The following NTM variants were observed in gnomAD, a reference collection of about 807,000 sequenced individuals.
NTM encodes the protein IgLON family member 2.
A neutral mutation model predicts 42.1 loss-of-function variants in NTM; 13 were observed. That is an observed-to-expected ratio of 0.31 (90% CI 0.20 to 0.49). NTM has a LOEUF of 0.49. Among genes scored for constraint, NTM ranks in the 20% least tolerant of loss-of-function variants. NTM has a pLI of 0.99. For synonymous variants in NTM, 187 were observed against 179.2 expected, an observed-to-expected ratio of 1.04 and a Z score of -0.35; for missense variants, 373 against 452.8, an observed-to-expected ratio of 0.82 and a Z score of 1.60.
chr11:131,427,455 C>T (rs918104111), intron 1 of NTM, among the ~76,000 whole-genome samples: 2 of 151,988 alleles, frequency 1.3e-5, no homozygotes, highest in South Asian at 2.1e-4. Flanking sequence ...CTTAATAAGA[C>T]CCCTTGATCT....
chr11:132,066,566 G>T (rs1308670296), intron 2 of NTM, among the ~76,000 whole-genome samples: 1 of 152,080 alleles, frequency 6.6e-6, no homozygotes, highest in Non-Finnish European at 1.5e-5. Flanking sequence ...AACTTCACTG[G>T]CCCCACATCA....
At chr11:131,790,843 T>A (rs1295893081) in intron 1 of NTM, among the ~76,000 whole-genome samples, 1 of 152,124 alleles carries the variant, frequency 6.6e-6, no homozygotes, top group Non-Finnish European at 1.5e-5. Context: ...CAGATTAAAG[T>A]TGCAAGTAAG....
At chr11:131,915,557 G>A (rs1485794165) in intron 2 of NTM, among the ~76,000 whole-genome samples, 3 of 152,052 alleles carry the variant, frequency 2.0e-5, no homozygotes, top group South Asian at 2.1e-4. Context: ...TTTCAACTAC[G>A]GTCAATCAGA....
intron 1 of NTM, among the ~76,000 whole-genome samples, chr11:131,445,499 G>A (rs1949988087): frequency 6.6e-6 from 1 of 152,216 alleles, no homozygotes; most frequent in Non-Finnish European, 1.5e-5. Flanking sequence ...GACCTGTTTA[G>A]CATACCAGAG....
At chr11:132,061,118 G>T (rs769250098) in intron 2 of NTM, among the ~76,000 whole-genome samples, 3 of 152,082 alleles carry the variant, frequency 2.0e-5, no homozygotes, top group African/African-American at 4.8e-5. Flanking sequence ...ACCCATTCTA[G>T]TTGCAATTTT....
At chr11:132,057,084 T>A (rs2079811842) in intron 2 of NTM, among the ~76,000 whole-genome samples, 1 of 152,170 alleles carries the variant, frequency 6.6e-6, no homozygotes, top group Admixed American at 6.5e-5. Flanking sequence ...CTTAACACAA[T>A]TGAGGCAAAG....
At chr11:132,155,959 C>T (rs1228951381) in intron 3 of NTM, among the ~76,000 whole-genome samples, 4 of 152,152 alleles carry the variant, frequency 2.6e-5, no homozygotes, top group Non-Finnish European at 4.4e-5. Context: ...GCGATGGCTG[C>T]AAGCTTGGGA....
intron 1 of NTM, among the ~76,000 whole-genome samples, chr11:131,753,519 T>C (rs1296465176): frequency 6.6e-6 from 1 of 151,710 alleles, no homozygotes; most frequent in Non-Finnish European, 1.5e-5. Flanking sequence ...TAGACTGGAT[T>C]AAGAAAATGT....
chr11:132,051,269 C>A (rs1004498548), intron 2 of NTM, among the ~76,000 whole-genome samples: 1 of 152,070 alleles, frequency 6.6e-6, no homozygotes, highest in Non-Finnish European at 1.5e-5. Context: ...TCATTTAATC[C>A]TTAGAGTAAC....
At chr11:132,016,639 C>T (rs2846136) in intron 2 of NTM, among the ~76,000 whole-genome samples, 1 of 151,874 alleles carries the variant, frequency 6.6e-6, no homozygotes, top group Non-Finnish European at 1.5e-5. Flanking sequence ...CGTATGTTTT[C>T]ATTTACATTG....
At chr11:131,752,802 C>T (rs900813620) in intron 1 of NTM, among the ~76,000 whole-genome samples, 46 of 149,216 alleles carry the variant, frequency 3.1e-4, no homozygotes, top group Admixed American at 7.4e-4. Context: ...AAGAAAACCG[C>T]GCATTACCAT....
At chr11:131,990,899 G>C (rs2066900908) in intron 2 of NTM, among the ~76,000 whole-genome samples, 1 of 152,176 alleles carries the variant, frequency 6.6e-6, no homozygotes, top group South Asian at 2.1e-4. Context: ...CTCTTAGTCT[G>C]TTTTTATAGT....
intron 3 of NTM, among the ~76,000 whole-genome samples, chr11:132,201,518 C>A (rs1395520774): frequency 6.6e-6 from 1 of 152,166 alleles, no homozygotes; most frequent in Admixed American, 6.5e-5. Flanking sequence ...CGGTTGGGAA[C>A]TACAGGAATA....
chr11:131,462,526 G>A (rs1000893691), intron 1 of NTM, among the ~76,000 whole-genome samples: 4 of 152,252 alleles, frequency 2.6e-5, no homozygotes, highest in African/African-American at 4.8e-5. Context: ...TGAAGTTAGT[G>A]AATTCGGTTC....
chr11:132,203,687 C>T (rs1193041522), intron 3 of NTM, among the ~76,000 whole-genome samples: 2 of 152,006 alleles, frequency 1.3e-5, no homozygotes, highest in Non-Finnish European at 2.9e-5. Flanking sequence ...GTCAGGAGAT[C>T]GAGACCATCC....
At chr11:131,617,245 G>A (rs1367494735) in intron 1 of NTM, among the ~76,000 whole-genome samples, 1 of 152,124 alleles carries the variant, frequency 6.6e-6, no homozygotes, top group East Asian at 1.9e-4. Context: ...CAAGAATCTA[G>A]GGTGACGTGG....
rs577406364 is a variant in NTM, at chr11:131,752,847, A to G, written c.83-158717A>G. Among the ~76,000 whole-genome samples the G allele has an allele frequency of 2.6e-5, 4 of 152,330 alleles. 1 individual carries two copies. In the South Asian group the frequency reaches 8.3e-4, roughly 32 times the overall value. ...AGGCATGAGCAAGGACTTCATGTCT[A>G]AAACACCAAAAGCAATGGCAACAAA... On this transcript the variant is annotated intron_variant, in intron 1 of 8. Coordinates refer to ENST00000683400, the MANE Select transcript of NTM (RefSeq NM_001352005.2).
intron 1 of NTM, among the ~76,000 whole-genome samples, chr11:131,627,732 G>A (rs1180157089): frequency 2.0e-5 from 3 of 152,092 alleles, no homozygotes; most frequent in Admixed American, 2.0e-4. Context: ...CCTGGATGCT[G>A]AGGTAGGAGG....
In NTM at chr11:131,570,714, G is replaced by A. The variant is rs184505563; in HGVS notation, c.82+199826G>A. On this transcript the variant is annotated intron_variant, in intron 1 of 8. Transcript: ENST00000683400. ...GGTGCGTGCCAGTAGTCCCAGCCAC[G>A]CAGGAGCCTGAGGCACGAGAATCAC... is the stretch of plus-strand genomic sequence containing the variant. 9.2e-5 allele frequency among the ~76,000 whole-genome samples: 14 copies of A among 152,226 alleles called. No individual in the cohort carries two copies. In the South Asian group the frequency reaches 1.7e-3, roughly 18 times the overall value.
Sources: allele counts gnomAD v4.1 joint callset (sites outside exome capture counted in the v4.1 genomes callset), GRCh38; gene constraint gnomAD v4.1.1; transcripts MANE v1.5; gene names NCBI Gene and HGNC (gene_info 2026-07-23, HGNC 2026-07-21).